ANKFN1: variants seen among roughly 807,000 people sequenced by gnomAD.
ANKFN1 encodes the protein ankyrin repeat and fibronectin type III domain containing 1, also known as ankyrin repeat and fibronectin type-III domain-containing protein 1.
A neutral mutation model predicts 108.7 loss-of-function variants in ANKFN1; 74 were observed. The observed-to-expected ratio is 0.68, with a 90% CI of 0.56 to 0.83. ANKFN1 has a LOEUF of 0.83. Among genes scored for constraint, ANKFN1 ranks in the 40% least tolerant of loss-of-function variants. The probability of loss-of-function intolerance (pLI) is 0.00; values close to 1 mark genes in which losing one functional copy is unlikely to be tolerated. For synonymous variants in ANKFN1, 547 were observed against 516.2 expected, an observed-to-expected ratio of 1.06 and a Z score of -0.81; for missense variants, 1,505 against 1,382.3, an observed-to-expected ratio of 1.09 and a Z score of -1.41.
In ANKFN1 at chr17:56,238,952, G is replaced by T. The variant is rs575121865; in HGVS notation, c.53+10995G>T. On this transcript the variant is annotated intron_variant, in intron 3 of 20. Transcript: ENST00000682825. ...ATATTAAGTTGATTTTTTTTCTCAA[G>T]TTACAATTTTTAAAAAATCTGTTTT... Among the ~76,000 whole-genome samples, 3 of 152,138 alleles carry T rather than the reference G, an allele frequency of 2.0e-5. No homozygotes were observed. The South Asian group carries it at 6.2e-4, about 32-fold the overall frequency.
chr17:56,093,655 A>G (rs1905462975), intron 4 of ANKFN1, among the ~76,000 whole-genome samples: 1 of 151,438 alleles, frequency 6.6e-6, no homozygotes, highest in African/African-American at 2.4e-5. Flanking sequence ...TCCCCCTTCT[A>G]CAACTTCCCA....
At chr17:56,375,495 G>GTT (rs1292783974) in intron 8 of ANKFN1, among the ~76,000 whole-genome samples, 1 of 152,190 alleles carries the variant, frequency 6.6e-6, no homozygotes, top group African/African-American at 2.4e-5. Flanking sequence ...TCGAAATTAA[G>GTT]GCTAGGGAGT....
rs536795601 is a variant in ANKFN1 at position 56,081,755 on chromosome 17, G to A, written c.288+35430G>A. ...TGCCTGCATGCTTGGTGGCCTGCTA[G>A]CATTTAGGAGGTAAGCAAGCACAGT... On this transcript the variant is annotated intron_variant, in intron 4 of 12. Coordinates refer to the ANKFN1 transcript ENST00000635860. Among the ~76,000 whole-genome samples the A allele has an allele frequency of 3.6e-4, 55 of 152,174 alleles. 1 individual carries two copies. The highest frequency in any genetic ancestry group is 3.4e-4 in the Non-Finnish European group (23 of 68,028).
At chr17:56,228,284 A>G (rs1916437390) in intron 3 of ANKFN1, 1 of 249,588 alleles carries the variant, frequency 4.0e-6, no homozygotes, top group South Asian at 7.8e-5. Context: ...CTCTCAAATG[A>G]CTAATTTATT....
intron 4 of ANKFN1, among the ~76,000 whole-genome samples, chr17:56,053,129 T>A (rs903768748): frequency 1.3e-5 from 2 of 152,188 alleles, no homozygotes; most frequent in Non-Finnish European, 2.9e-5. Context: ...TGTAGGGGCT[T>A]TGAGCATATA....
At chr17:56,138,214 G>A (rs1907703803) in intron 4 of ANKFN1, among the ~76,000 whole-genome samples, 2 of 152,128 alleles carry the variant, frequency 1.3e-5, no homozygotes, top group Non-Finnish European at 2.9e-5. Flanking sequence ...AAGATAAAAG[G>A]AAATGGGCAA....
chr17:56,230,840 T>G (rs1916681906), intron 3 of ANKFN1, among the ~76,000 whole-genome samples: 1 of 152,066 alleles, frequency 6.6e-6, no homozygotes, highest in Non-Finnish European at 1.5e-5. Context: ...TTTTGCAATT[T>G]CTCTTTTCAC....
chr17:56,176,231 T>G (rs1376256137), intron 1 of ANKFN1, among the ~76,000 whole-genome samples: 2 of 152,010 alleles, frequency 1.3e-5, no homozygotes, highest in African/African-American at 4.8e-5. Flanking sequence ...GAGGGAAGAA[T>G]GGCAATCGCT....
At chr17:56,414,774 T>C (rs1448984696) in intron 8 of ANKFN1, among the ~76,000 whole-genome samples, 1 of 152,076 alleles carries the variant, frequency 6.6e-6, no homozygotes, top group Non-Finnish European at 1.5e-5. Flanking sequence ...AATCCCAGCA[T>C]TTGGAAGGCC....
intron 3 of ANKFN1, among the ~76,000 whole-genome samples, chr17:56,283,782 G>T (rs1281421852): frequency 6.6e-6 from 1 of 151,996 alleles, no homozygotes; most frequent in South Asian, 2.1e-4. Context: ...TACAAATTGG[G>T]TTCCGTGTAC....
chr17:56,197,792 C>T (rs1913657663), intron 1 of ANKFN1, among the ~76,000 whole-genome samples: 1 of 152,178 alleles, frequency 6.6e-6, no homozygotes, highest in South Asian at 2.1e-4. Context: ...ACCAGCAGTC[C>T]CCAACCTTTC....
intron 4 of ANKFN1, among the ~76,000 whole-genome samples, chr17:56,146,560 C>T (rs778750172): frequency 6.6e-6 from 1 of 152,214 alleles, no homozygotes; most frequent in Admixed American, 6.5e-5. Flanking sequence ...ACCCACAAAC[C>T]CAACACCATG....
At chr17:56,387,726 C>T (rs1481220145) in intron 8 of ANKFN1, among the ~76,000 whole-genome samples, 1 of 152,178 alleles carries the variant, frequency 6.6e-6, no homozygotes, top group Non-Finnish European at 1.5e-5. Flanking sequence ...CTCTGAAAAA[C>T]CTGCTTGATT....
intron 4 of ANKFN1, among the ~76,000 whole-genome samples, chr17:56,347,022 C>A (rs1274260811): frequency 6.6e-6 from 1 of 151,622 alleles, no homozygotes; most frequent in African/African-American, 2.4e-5. Flanking sequence ...GGACATTAAC[C>A]TTATGACTTC....
At chr17:56,304,258 G>A (rs1459861399) in intron 3 of ANKFN1, among the ~76,000 whole-genome samples, 12 of 152,086 alleles carry the variant, frequency 7.9e-5, no homozygotes, top group Non-Finnish European at 1.3e-4. Flanking sequence ...AATATAGTAT[G>A]TAACGTTTTA....
intron 4 of ANKFN1, among the ~76,000 whole-genome samples, chr17:56,096,955 C>T (rs950597209): frequency 8.5e-5 from 13 of 152,174 alleles, no homozygotes; most frequent in African/African-American, 3.1e-4. Flanking sequence ...ATATCATGTC[C>T]TTTGCAGCAA....
At chr17:56,323,000 T>G (rs545609413) in intron 3 of ANKFN1, among the ~76,000 whole-genome samples, 5 of 152,324 alleles carry the variant, frequency 3.3e-5, no homozygotes, top group African/African-American at 4.8e-5. Flanking sequence ...TTACTAGGGC[T>G]GGAGGTGTAG....
chr17:56,340,185 T>G (rs887222452), intron 4 of ANKFN1, among the ~76,000 whole-genome samples: 5 of 152,200 alleles, frequency 3.3e-5, no homozygotes, highest in African/African-American at 9.6e-5. Context: ...TTTAAGTTCC[T>G]TGTAGATGCT....
At chr17:56,161,868 G>A (rs2143506930) in intron 1 of ANKFN1, among the ~76,000 whole-genome samples, 1 of 152,288 alleles carries the variant, frequency 6.6e-6, no homozygotes, top group Non-Finnish European at 1.5e-5. Context: ...AGAAGATTTG[G>A]GACAGTTCTC....
Sources: allele counts gnomAD v4.1 joint callset (sites outside exome capture counted in the v4.1 genomes callset), GRCh38; gene constraint gnomAD v4.1.1; transcripts MANE v1.5; gene names NCBI Gene and HGNC (gene_info 2026-07-23, HGNC 2026-07-21).